Variants in ZNF618 observed in about 807,000 individuals in gnomAD.
The protein encoded by ZNF618 is neural precursor cell expressed, developmentally down-regulated 10.
In ZNF618, 34 loss-of-function variants were observed where a neutral mutation model predicts 103.0. That is an observed-to-expected ratio of 0.33 (90% CI 0.25 to 0.44). The LOEUF is 0.44. ZNF618 is among the 20% of genes least tolerant of loss of function. The pLI is 1.00. For missense variants in ZNF618, 1,059 were observed against 1,295.4 expected (o/e 0.82, Z 2.80); for synonymous variants, 551 against 542.2 (o/e 1.02, Z -0.23).
chr9:113,887,517 A>T (rs1016837151), intron 1 of ZNF618, among the ~76,000 whole-genome samples: 20 of 152,326 alleles, frequency 1.3e-4, no homozygotes, highest in African/African-American at 4.1e-4. Flanking sequence ...GTTTGGGCAT[A>T]GAGACCCAGG....
chr9:113,881,509 G>A (rs1211349129), intron 1 of ZNF618, among the ~76,000 whole-genome samples: 2 of 152,176 alleles, frequency 1.3e-5, no homozygotes, highest in Non-Finnish European at 2.9e-5. Flanking sequence ...AATTATTAAT[G>A]TGACAAGTTA....
chr9:113,942,202 C>G (rs1350892129), intron 1 of ZNF618, among the ~76,000 whole-genome samples: 2 of 151,982 alleles, frequency 1.3e-5, no homozygotes, highest in Admixed American at 1.3e-4. Context: ...TCAATCTCCC[C>G]ACTGAAAATG....
At chr9:114,044,355 A>G (rs185764022) in intron 13 of ZNF618, among the ~76,000 whole-genome samples, 50 of 152,104 alleles carry the variant, frequency 3.3e-4, no homozygotes, top group Non-Finnish European at 5.3e-4. Flanking sequence ...ATTTGGCTGT[A>G]TTTGGGTTTA....
At chr9:113,949,177 T>C (rs1835314431) in intron 1 of ZNF618, among the ~76,000 whole-genome samples, 1 of 152,250 alleles carries the variant, frequency 6.6e-6, no homozygotes, top group Non-Finnish European at 1.5e-5. Flanking sequence ...GACTTCTGCA[T>C]TGGAGCTTCA....
intron 1 of ZNF618, among the ~76,000 whole-genome samples, chr9:113,908,996 C>T (rs972300668): frequency 1.3e-5 from 2 of 151,690 alleles, no homozygotes; most frequent in Non-Finnish European, 2.9e-5. Flanking sequence ...CTGGGTCAGT[C>T]GCCATTTATA....
intron 3 of ZNF618, among the ~76,000 whole-genome samples, chr9:113,996,828 T>G (rs1283276573): frequency 6.6e-6 from 1 of 152,030 alleles, no homozygotes; most frequent in Non-Finnish European, 1.5e-5. Flanking sequence ...TTAAGGAAAG[T>G]GCCATGACTG....
intron 6 of ZNF618, among the ~76,000 whole-genome samples, chr9:114,006,962 T>A (rs1057004601): frequency 7.9e-5 from 12 of 152,172 alleles, no homozygotes; most frequent in African/African-American, 2.7e-4. Flanking sequence ...AGAGAAGGTA[T>A]GCTTGAGACA....
At chr9:113,922,480 T>TG (rs1455646060) in intron 1 of ZNF618, among the ~76,000 whole-genome samples, 8 of 133,690 alleles carry the variant, frequency 6.0e-5, no homozygotes, top group South Asian at 2.2e-4. Flanking sequence ...TTGGTTTGTT[T>TG]TTTTTTTTTT....
intron 1 of ZNF618, among the ~76,000 whole-genome samples, chr9:113,951,205 T>G (rs1008969666): frequency 2.0e-5 from 3 of 151,002 alleles, no homozygotes; most frequent in Admixed American, 1.3e-4. Context: ...GGGTGGTCGC[T>G]TAACCTCTCT....
Position 113,988,619 on chromosome 9 carries a change from G to A in ZNF618, c.337+39G>A, listed in dbSNP as rs764594528. On this transcript the variant is annotated intron_variant, in intron 3 of 14. Coordinates refer to ENST00000374126, the MANE Select transcript of ZNF618 (RefSeq NM_001318042.2). The stretch of plus-strand genomic sequence containing the variant: ...GTCTGTGGTCAGGGTGGAGACCAGG[G>A]TGGGAACATGGAGTCAGAGTCCTGG... 2.5e-6 allele frequency: 4 copies of A among 1,569,988 alleles called. No individual in the cohort carries two copies. In the Admixed American group the frequency reaches 7.1e-5, roughly 28 times the overall value.
Position 114,028,881 on chromosome 9 carries a change from T to G in ZNF618, c.993T>G (p.Cys331Trp). 6.4e-7 allele frequency: 1 copy of G among 1,550,480 alleles called. No individual in the cohort carries two copies. Among genetic ancestry groups the G allele is most frequent in the Non-Finnish European group, 8.7e-7 (1 of 1,146,934 alleles). ...AAGCTCCGGCCTCCGTGGTCCGATGTGCCACCCTCTTACACCGCACCCCTC... is the reference window on the plus strand; with the variant it reads ...AAGCTCCGGCCTCCGTGGTCCGATGGGCCACCCTCTTACACCGCACCCCTC... The part of the protein sequence containing the change: ...GKKAPASVVR[C>W]ATLLHRTPPA... The change falls in exon 11 of 15, where the codon TGT becomes TGG. Residue 331 changes from cysteine (C) to tryptophan (W), a missense_variant. Transcript: ENST00000374126.
chr9:113,901,124 C>G (rs1183851773), intron 1 of ZNF618, among the ~76,000 whole-genome samples: 1 of 149,276 alleles, frequency 6.7e-6, no homozygotes, highest in Admixed American at 6.7e-5. Flanking sequence ...CCTCCTGTCT[C>G]CTAGCACCGT....
At chr9:114,027,819 T>A (rs1402989565) in intron 10 of ZNF618, 1 of 152,300 alleles carries the variant, frequency 6.6e-6, no homozygotes, top group Non-Finnish European at 1.5e-5. Context: ...GTGTTACTAA[T>A]TCTCGGGGGT....
At position 113,907,976 on chromosome 9, in the gene ZNF618, T is replaced by G. The variant is rs142205783; in HGVS notation, c.33+31563T>G. 2.0e-3 allele frequency among the ~76,000 whole-genome samples: 306 copies of G among 152,312 alleles called. 1 individual carries two copies. Among genetic ancestry groups the G allele is most frequent in the African/African-American group, 7.1e-3 (294 of 41,564 alleles). On this transcript the variant is annotated intron_variant, in intron 1 of 14. Transcript: ENST00000374126. ...TTCTCAAGAGGTCAGCATGATTATT[T>G]TCCATCTAGTGCTTTGTGGGTCTCA...
At chr9:113,956,748 A>G (rs1011662090) in intron 1 of ZNF618, among the ~76,000 whole-genome samples, 4 of 152,238 alleles carry the variant, frequency 2.6e-5, no homozygotes, top group African/African-American at 7.2e-5. Context: ...ACTGTCGTCT[A>G]GGCAGTGAGA....
chr9:113,978,135 A>C (rs1053786331), intron 2 of ZNF618, among the ~76,000 whole-genome samples: 3 of 152,242 alleles, frequency 2.0e-5, no homozygotes, highest in African/African-American at 7.2e-5. Flanking sequence ...TCAGTGATAC[A>C]TGACAGAAAT....
chr9:113,997,097 TTC>T (rs1840691863), intron 3 of ZNF618, among the ~76,000 whole-genome samples: 1 of 152,002 alleles, frequency 6.6e-6, no homozygotes, highest in South Asian at 2.1e-4. Context: ...TTTCTTCTTC[TTC>T]TTTTTTCTTC....
chr9:113,965,591 G>A (rs557325113), intron 1 of ZNF618, among the ~76,000 whole-genome samples: 2 of 152,256 alleles, frequency 1.3e-5, no homozygotes, highest in South Asian at 4.1e-4. Context: ...TGTCATAGAG[G>A]AGTCTGGTTT....
chr9:114,029,265 G>A (rs1016700937), intron 11 of ZNF618, among the ~76,000 whole-genome samples: 1 of 152,004 alleles, frequency 6.6e-6, no homozygotes, highest in Admixed American at 6.6e-5. Context: ...TGGCCTGAGG[G>A]GCCTGTTTTG....
Sources: allele counts gnomAD v4.1 joint callset (sites outside exome capture counted in the v4.1 genomes callset), GRCh38; gene constraint gnomAD v4.1.1; transcripts MANE v1.5; gene names NCBI Gene and HGNC (gene_info 2026-07-23, HGNC 2026-07-21).